The following CMSS1 variants were observed in gnomAD, a reference collection of about 807,000 sequenced individuals.
CMSS1 encodes protein CMSS1.
A neutral mutation model predicts 43.5 loss-of-function variants in CMSS1; 33 were observed. That is an observed-to-expected ratio of 0.76 (90% CI 0.57 to 1.01). The LOEUF is 1.01. Ranked by LOEUF, CMSS1 falls within the 50% of genes least tolerant of loss-of-function variation. The pLI is 0.00. For synonymous variants in CMSS1, 115 were observed against 117.2 expected, an observed-to-expected ratio of 0.98 and a Z score of 0.12; for missense variants, 313 against 326.4, an observed-to-expected ratio of 0.96 and a Z score of 0.32.
chr3:99,876,285 T>C, intron 1 of CMSS1: 1 of 896,068 alleles, frequency 1.1e-6, no homozygotes, highest in African/African-American at 1.8e-5. Flanking sequence ...CGCGGGACCC[T>C]CGGCCGCGGC....
chr3:100,043,465 A>G (rs2065236990), intron 1 of CMSS1, among the ~76,000 whole-genome samples: 1 of 151,826 alleles, frequency 6.6e-6, no homozygotes. Context: ...TCACTTCTCT[A>G]TTTTTGACTA....
chr3:100,013,219 GT>G (rs1215822751), intron 1 of CMSS1, among the ~76,000 whole-genome samples: 4 of 147,346 alleles, frequency 2.7e-5, no homozygotes, highest in African/African-American at 5.1e-5. Flanking sequence ...GTGAGGTGTT[GT>G]TGTTGTTGTT....
intron 4 of CMSS1, among the ~76,000 whole-genome samples, chr3:100,163,415 G>A (rs1317634038): frequency 6.6e-6 from 1 of 152,152 alleles, no homozygotes; most frequent in Admixed American, 6.5e-5. Flanking sequence ...TATGTTTTGC[G>A]AGGCTGACAC....
At position 100,042,981 on chromosome 3, in the gene CMSS1, G is replaced by A. The variant is rs113122794; in HGVS notation, c.65-103992G>A. ...TTTGTGGAAGAAAATGACTGCATTC[G>A]CAGAACAAGAGGGATAAAGGGCTAA... On this transcript the variant is annotated intron_variant, in intron 1 of 9. Transcript: ENST00000421999. Among the ~76,000 whole-genome samples, 9 of 152,324 alleles carry A rather than the reference G, an allele frequency of 5.9e-5. 1 individual carries two copies. Among genetic ancestry groups the A allele is most frequent in the Non-Finnish European group, 8.8e-5 (6 of 68,020 alleles).
intron 1 of CMSS1, among the ~76,000 whole-genome samples, chr3:100,050,365 G>A (rs2065349166): frequency 6.6e-6 from 1 of 152,114 alleles, no homozygotes; most frequent in African/African-American, 2.4e-5. Flanking sequence ...TTAGATTTAT[G>A]TGAAATGCTC....
chr3:100,115,038 A>G (rs1470604945), intron 1 of CMSS1: 1 of 1,355,842 alleles, frequency 7.4e-7, no homozygotes, highest in African/African-American at 1.4e-5. Context: ...GTTTTATATT[A>G]TTCAAGTGTT....
Position 99,889,930 on chromosome 3 carries a change from C to G in CMSS1, c.64+71887C>G, listed in dbSNP as rs537418501. Among the ~76,000 whole-genome samples the G allele has an allele frequency of 2.6e-5, 4 of 152,030 alleles. No individual in the cohort carries two copies. In the East Asian group the frequency reaches 7.7e-4, roughly 29 times the overall value. On this transcript the variant is annotated intron_variant, in intron 1 of 9. Coordinates refer to ENST00000421999, the MANE Select transcript of CMSS1 (RefSeq NM_032359.4). ...TAGGACATTATAATCTATTATTGTT[C>G]TATTAGGCAATTATTGGTTTAGATA...
intron 1 of CMSS1, among the ~76,000 whole-genome samples, chr3:99,974,139 C>A (rs1429976248): frequency 6.6e-6 from 1 of 152,202 alleles, no homozygotes; most frequent in Non-Finnish European, 1.5e-5. Context: ...CTAAATCCTT[C>A]TAATTGCTTG....
chr3:99,914,434 AT>A (rs947205791), intron 1 of CMSS1, among the ~76,000 whole-genome samples: 2 of 151,906 alleles, frequency 1.3e-5, no homozygotes, highest in African/African-American at 4.8e-5. Flanking sequence ...GATATGTTAG[AT>A]TTTTTTTTCC....
intron 1 of CMSS1, among the ~76,000 whole-genome samples, chr3:100,072,529 A>G (rs1421233592): frequency 6.6e-6 from 1 of 152,212 alleles, no homozygotes; most frequent in South Asian, 2.1e-4. Context: ...ATCTTGCATT[A>G]CTTTGTAAAG....
intron 1 of CMSS1, among the ~76,000 whole-genome samples, chr3:100,068,986 T>C (rs2065715355): frequency 6.6e-6 from 1 of 152,176 alleles, no homozygotes; most frequent in Admixed American, 6.5e-5. Flanking sequence ...TGCAGGGAGC[T>C]GCCGTTCTGC....
chr3:100,035,847 C>A (rs1322668639), intron 1 of CMSS1, among the ~76,000 whole-genome samples: 1 of 152,158 alleles, frequency 6.6e-6, no homozygotes, highest in African/African-American at 2.4e-5. Context: ...TTCCTTTCCC[C>A]CACATTGGAT....
chr3:99,957,808 A>G (rs1427447095), intron 1 of CMSS1, among the ~76,000 whole-genome samples: 3 of 147,616 alleles, frequency 2.0e-5, no homozygotes, highest in Non-Finnish European at 3.0e-5. Flanking sequence ...GCTTTTTCAC[A>G]CATAGCTTGT....
intron 1 of CMSS1, among the ~76,000 whole-genome samples, chr3:99,841,016 G>A (rs1237241964): frequency 6.6e-6 from 1 of 152,202 alleles, no homozygotes; most frequent in East Asian, 1.9e-4. Context: ...AGCTCTTCAA[G>A]GGCAGTGAAT....
chr3:100,155,099 C>G (rs1190034826), intron 2 of CMSS1, among the ~76,000 whole-genome samples: 1 of 152,180 alleles, frequency 6.6e-6, no homozygotes, highest in Non-Finnish European at 1.5e-5. Context: ...TATTTCTTGA[C>G]TTATCGATTT....
chr3:100,166,571 C>T (rs912880176), intron 5 of CMSS1, among the ~76,000 whole-genome samples, 177 bp downstream of exon 5: 5 of 152,098 alleles, frequency 3.3e-5, no homozygotes, highest in East Asian at 1.9e-4. Flanking sequence ...TGACCTGAGA[C>T]GAGTCACTGA....
At chr3:100,019,809 G>T (rs1038276656) in intron 1 of CMSS1, among the ~76,000 whole-genome samples, 1 of 152,004 alleles carries the variant, frequency 6.6e-6, no homozygotes, top group African/African-American at 2.4e-5. Context: ...TCATCATATT[G>T]TCATCCAACT....
At chr3:99,989,379 C>G (rs1382117832) in intron 1 of CMSS1, among the ~76,000 whole-genome samples, 1 of 152,128 alleles carries the variant, frequency 6.6e-6, no homozygotes, top group Non-Finnish European at 1.5e-5. Context: ...ATCCCCCAGA[C>G]AAGAAGACTA....
chr3:99,906,363 G>A (rs1440146312), intron 1 of CMSS1, among the ~76,000 whole-genome samples: 1 of 151,898 alleles, frequency 6.6e-6, no homozygotes, highest in Non-Finnish European at 1.5e-5. Flanking sequence ...TTTATATTGG[G>A]TTGTCAGTCT....
Sources: allele counts gnomAD v4.1 joint callset (sites outside exome capture counted in the v4.1 genomes callset), GRCh38; gene constraint gnomAD v4.1.1; transcripts MANE v1.5; gene names NCBI Gene and HGNC (gene_info 2026-07-23, HGNC 2026-07-21).